Variants in ZNF160 observed in about 807,000 individuals in gnomAD.
The protein encoded by ZNF160 is zinc finger protein 160, also known as KRAB zinc finger protein KR18.
ZNF160 carries 9 observed loss-of-function variants against 13.1 expected under a neutral mutation model. The ratio of observed to expected loss-of-function variants is 0.69; its 90% confidence interval spans 0.41 to 1.20. The LOEUF (loss-of-function observed/expected upper bound fraction) is 1.20, where lower values mean the gene tolerates loss of function less well. ZNF160 is among the 50% of genes most tolerant of loss of function. The probability of loss-of-function intolerance (pLI) is 0.01; values close to 1 mark genes in which losing one functional copy is unlikely to be tolerated. For synonymous variants in ZNF160, 293 were observed against 333.2 expected (o/e 0.88, Z 1.31); for missense variants, 838 against 988.0 (o/e 0.85, Z 2.04).
chr19:53,076,331 C>A (rs950860134), intron 3 of ZNF160, among the ~76,000 whole-genome samples: 1 of 152,128 alleles, frequency 6.6e-6, no homozygotes, highest in Admixed American at 6.5e-5. Flanking sequence ...TAAATAAGCA[C>A]AACTGGTATC....
At chr19:53,077,668 C>CA (rs57869247) in intron 3 of ZNF160, among the ~76,000 whole-genome samples, 7,715 of 50,438 alleles carry the variant, frequency 0.15, 496 homozygotes, top group Non-Finnish European at 0.21. Context: ...GACTCCATCT[C>CA]AAAAAAAAAA....
At chr19:53,095,364 A>C (rs2145975507) in intron 1 of ZNF160, 1 of 151,316 alleles carries the variant, frequency 6.6e-6, no homozygotes, top group East Asian at 2.0e-4. Context: ...TCTCACCGGC[A>C]GGAGAGCATT....
intron 5 of ZNF160, chr19:53,072,959 A>C (rs1041217474): frequency 2.8e-6 from 2 of 713,818 alleles, no homozygotes; most frequent in South Asian, 1.3e-4. Flanking sequence ...TTTTAAAAAA[A>C]TTCTATATTG....
At chr19:53,082,635 A>C (rs1454026096) in intron 3 of ZNF160, among the ~76,000 whole-genome samples, 1 of 152,184 alleles carries the variant, frequency 6.6e-6, no homozygotes, top group East Asian at 1.9e-4. Context: ...ACACGACTGG[A>C]CTCCAGCCTG....
At chr19:53,081,153 T>C (rs1258402582) in intron 3 of ZNF160, among the ~76,000 whole-genome samples, 1 of 152,152 alleles carries the variant, frequency 6.6e-6, no homozygotes, top group Non-Finnish European at 1.5e-5. Context: ...TCTAAGACTT[T>C]GGCCTAAGCA....
At chr19:53,096,219 AAAAT>A (rs2085229034) in intron 1 of ZNF160, among the ~76,000 whole-genome samples, 1 of 152,242 alleles carries the variant, frequency 6.6e-6, no homozygotes, top group Non-Finnish European at 1.5e-5. Context: ...ACTCCGTCTC[AAAAT>A]AAATAAATAA....
Position 53,067,829 on chromosome 19 carries a change from TC to T in ZNF160, c.*247del. On this transcript the variant is annotated 3_prime_UTR_variant, in exon 6 of 6. Coordinates refer to ENST00000683776, the MANE Select transcript of ZNF160 (RefSeq NM_001322131.2). Reference sequence around the variant, plus strand: ...TACCATCGGTCACTGGGTAATGGCCTCAGGATGCATATTACATTTGTTTCGT... The same window carrying T: ...TACCATCGGTCACTGGGTAATGGCCTAGGATGCATATTACATTTGTTTCGT... The T allele has an allele frequency of 2.3e-6, 1 of 437,230 alleles. No homozygotes were observed. The highest frequency in any genetic ancestry group is 3.7e-5 in the East Asian group (1 of 26,996). The allele number at this position is 437,230 out of a possible 1,614,324, so 27.1% of individuals were successfully genotyped here.
At chr19:53,086,652 G>GCC (rs752018228) in intron 2 of ZNF160, among the ~76,000 whole-genome samples, 2 of 152,050 alleles carry the variant, frequency 1.3e-5, no homozygotes, top group Admixed American at 6.6e-5. Context: ...GCAGAACACA[G>GCC]CCCCCCTCAC....
At chr19:53,084,830 C>T (rs1207200423) in intron 3 of ZNF160, 1 of 152,068 alleles carries the variant, frequency 6.6e-6, no homozygotes, top group East Asian at 1.9e-4. Context: ...AGAATCTTGC[C>T]AGATCTAGCA....
At chr19:53,101,960 C>T (rs1482165470) in intron 1 of ZNF160, among the ~76,000 whole-genome samples, 1 of 152,176 alleles carries the variant, frequency 6.6e-6, no homozygotes, top group African/African-American at 2.4e-5. Flanking sequence ...TCTCACCTGG[C>T]CCCAGGGCGC....
At chr19:53,089,623 C>G (rs1233742148) in intron 2 of ZNF160, among the ~76,000 whole-genome samples, 2 of 152,078 alleles carry the variant, frequency 1.3e-5, no homozygotes, top group African/African-American at 2.4e-5. Flanking sequence ...TTTTGCAATT[C>G]TCATCTTTAT....
chr19:53,073,027 C>T (rs1390756139), intron 5 of ZNF160: 1 of 575,990 alleles, frequency 1.7e-6, no homozygotes, highest in African/African-American at 2.0e-5. Context: ...TATAGGTATA[C>T]AATATGGACT....
chr19:53,073,677 A>C (rs1289135619), intron 5 of ZNF160, among the ~76,000 whole-genome samples: 1 of 152,232 alleles, frequency 6.6e-6, no homozygotes, highest in Non-Finnish European at 1.5e-5. Flanking sequence ...AAGGAACCAT[A>C]GAGTTCAAAT....
chr19:53,078,844 A>C (rs2084510917), intron 3 of ZNF160, among the ~76,000 whole-genome samples: 1 of 152,170 alleles, frequency 6.6e-6, no homozygotes, highest in South Asian at 2.1e-4. Context: ...ACACATGCAT[A>C]ACTCATAAGC....
chr19:53,096,722 T>A (rs889667627), intron 1 of ZNF160, among the ~76,000 whole-genome samples: 1 of 127,134 alleles, frequency 7.9e-6, no homozygotes, highest in African/African-American at 3.0e-5. Context: ...GCAGGAGACC[T>A]GAGGGAGGGG....
chr19:53,088,502 G>A (rs2084924556), intron 2 of ZNF160, among the ~76,000 whole-genome samples: 1 of 150,406 alleles, frequency 6.6e-6, no homozygotes, highest in Non-Finnish European at 1.5e-5. Flanking sequence ...GCAAGATCCT[G>A]TCTCTATATT....
rs948956722 is a variant in ZNF160, at chr19:53,096,570, G to C, written c.-353-4850C>G. 9.1e-3 allele frequency among the ~76,000 whole-genome samples: 1,313 copies of C among 144,488 alleles called. 11 individuals are homozygous for C. The highest frequency in any genetic ancestry group is 0.031 in the African/African-American group (1,173 of 37,360). 94.8% of individuals were successfully genotyped at this position (144,488 alleles called of 152,430 possible). The stretch of plus-strand genomic sequence containing the variant: ...GCCCAGGCCCCTCCATGGAAAAAAG[G>C]TCCTGGGGTCTAAGATTTCTCACTT... On this transcript the variant is annotated intron_variant, in intron 1 of 5. Transcript: ENST00000683776.
chr19:53,068,636 T>C lies in ZNF160; in HGVS notation c.1898A>G (p.Asn633Ser), dbSNP rs1209649291. The C allele has an allele frequency of 6.2e-7, 1 of 1,613,770 alleles. No homozygotes were observed. The highest frequency in any genetic ancestry group is 2.2e-5 in the East Asian group (1 of 44,818). Residue 633 changes from asparagine (N) to serine (S), a missense_variant, in exon 6 of 6, where the codon AAT (asparagine) becomes AGT (serine). By Grantham distance (46) the Asn-to-Ser change is conservative. Transcript: ENST00000683776. ...CHECGKVFRH[N>S]SYLATHRRIH... ...TCGCCGATGAGTTGCAAGGTATGAA[T>C]TGTGCCTAAAAACCTTGCCGCATTC...
rs1254090092 is a variant in ZNF160, at chr19:53,067,591, ATAG to A, written c.*483_*485del. On this transcript the variant is annotated 3_prime_UTR_variant, in exon 6 of 6. Transcript: ENST00000683776. ...ATTTCAAAGTTCACATTGAAACGCA[ATAG>A]TAGGCTTTCCAAAAAACCTCAAATA... is the stretch of plus-strand genomic sequence containing the variant. 1 of 154,514 alleles carries A rather than the reference ATAG, an allele frequency of 6.5e-6. No individual in the cohort carries two copies. The highest frequency in any genetic ancestry group is 1.9e-4 in the East Asian group (1 of 5,212). 9.6% of individuals were successfully genotyped at this position (154,514 alleles called of 1,614,324 possible). A position where few individuals can be genotyped will look rare whatever the true frequency, so the allele number is the denominator to read the frequency against.
Sources: gnomAD v4.1 joint callset for allele counts (sites outside exome capture counted in the v4.1 genomes callset) on GRCh38, gnomAD v4.1.1 for gene constraint, MANE v1.5 for transcripts, NCBI Gene and HGNC (gene_info 2026-07-23, HGNC 2026-07-21) for gene names.